TCL1A: variants seen among roughly 807,000 people sequenced by gnomAD.
TCL1A encodes T-cell leukemia/lymphoma protein 1A.
In TCL1A, 9 loss-of-function variants were observed where a neutral mutation model predicts 16.9. The ratio of observed to expected loss-of-function variants is 0.53; its 90% CI spans 0.32 to 0.93. TCL1A has a LOEUF of 0.93. TCL1A is among the 40% of genes least tolerant of loss of function. TCL1A has a pLI of 0.04. For missense variants in TCL1A, 139 were observed against 153.0 expected (o/e 0.91, Z 0.48); for synonymous variants, 69 against 63.2 (o/e 1.09, Z -0.44).
At chr14:95,713,507 A>G (rs1886439792) in intron 1 of TCL1A, among the ~76,000 whole-genome samples, 1 of 152,182 alleles carries the variant, frequency 6.6e-6, no homozygotes, top group African/African-American at 2.4e-5. Flanking sequence ...AGTGGAAAAT[A>G]CTTCACACTC....
rs547633625 is a variant in TCL1A, at chr14:95,712,704, G to A, written c.121-308C>T. On this transcript the variant is annotated intron_variant, in intron 1 of 3. Transcript: ENST00000402399. The stretch of plus-strand genomic sequence containing the variant: ...CACTTGTAATTCCAGTGCTTTGGAA[G>A]GCAGAGGCAGGAGGATCGCTTGAGG... 24 of 1,349,098 alleles carry A rather than the reference G, an allele frequency of 1.8e-5. 1 individual carries two copies. In the Middle Eastern group the frequency reaches 1.8e-3, roughly 100 times the overall value. 83.6% of individuals were successfully genotyped at this position (1,349,098 alleles called of 1,614,324 possible). A position where few individuals can be genotyped will look rare whatever the true frequency, so the allele number is the denominator to read the frequency against.
chr14:95,713,928 G>T lies in TCL1A; in HGVS notation c.120+19C>A. The T allele has an allele frequency of 6.2e-7, 1 of 1,612,222 alleles. No homozygotes were observed. On this transcript the variant is annotated intron_variant, in intron 1 of 3. Coordinates refer to ENST00000402399, the MANE Select transcript of TCL1A (RefSeq NM_021966.3). ...GGCTGCCCCTGCTGCCTCGCCATCCGCTCCAAAGCTGGCTGTACCTCGATG... is the reference window on the plus strand; with the variant it reads ...GGCTGCCCCTGCTGCCTCGCCATCCTCTCCAAAGCTGGCTGTACCTCGATG...
chr14:95,712,504 G>A, intron 1 of TCL1A, 108 bp from the exon 2 acceptor site: 1 of 1,509,202 alleles, frequency 6.6e-7, no homozygotes, highest in African/African-American at 1.4e-5. Context: ...CATCTGGGCA[G>A]GGGTCCGAGT....
In TCL1A at chr14:95,714,031, G is replaced by A. The variant is rs1413948025; in HGVS notation, c.36C>T (p.Thr12=). The part of the protein sequence containing the change: ...AECPTLGEAV[T]DHPDRLWAWE... ...AGGCCCACAGGCGGTCCGGGTGGTC[G>A]GTGACTGCCTCCCCGAGTGTCGGGC... The change falls in exon 1 of 4, where the codon ACC becomes ACT. Residue 12 remains threonine, a synonymous_variant. Transcript: ENST00000402399. 1.9e-6 allele frequency: 3 copies of A among 1,613,930 alleles called. No individual in the cohort carries two copies. Among genetic ancestry groups the A allele is most frequent in the East Asian group, 2.2e-5 (1 of 44,880 alleles).
At chr14:95,711,651 C>T (rs1469010120) in intron 3 of TCL1A, 98 bp downstream of exon 3, 5 of 1,390,174 alleles carry the variant, frequency 3.6e-6, no homozygotes, top group African/African-American at 2.8e-5. Flanking sequence ...TGGCAGCAGT[C>T]GGGGAGGGGT....
chr14:95,711,971 A>T (rs1180195447), intron 2 of TCL1A, 169 bp from the exon 3 acceptor site: 1 of 944,022 alleles, frequency 1.1e-6, no homozygotes, highest in African/African-American at 1.6e-5. Context: ...TCAGCCTGTG[A>T]CTGCCCACCA....
Position 95,714,124 on chromosome 14 carries a change from T to C in TCL1A, c.-58A>G, listed in dbSNP as rs1277846258. On this transcript the variant is annotated 5_prime_UTR_variant, in exon 1 of 4. Transcript: ENST00000402399. The stretch of plus-strand genomic sequence containing the variant: ...AGAGCCTCTCAAGGCCGCTCGCTGG[T>C]CCCTGGGATGTGGGGCCGACCCTTT... 3.1e-6 allele frequency: 5 copies of C among 1,597,438 alleles called. No individual in the cohort carries two copies. Among genetic ancestry groups the C allele is most frequent in the Middle Eastern group, 1.7e-4 (1 of 5,924 alleles).
Position 95,713,979 on chromosome 14 carries a change from TCTCGTCCAA to T in TCL1A, c.79_87del (p.Leu27_Glu29del), listed in dbSNP as rs1228816578. On this transcript the variant is annotated inframe_deletion, in exon 1 of 4. Coordinates refer to ENST00000402399, the MANE Select transcript of TCL1A (RefSeq NM_021966.3). ...GTTAAGGGCAGCCAGGCGTGCTGCT[TCTCGTCCAA>T]ATACACGAACTTCTCCCAGGCCCAC... The T allele has an allele frequency of 6.2e-7, 1 of 1,614,072 alleles. No individual in the cohort carries two copies. Among genetic ancestry groups the T allele is most frequent in the Admixed American group, 1.7e-5 (1 of 60,034 alleles).
chr14:95,711,240 A>G (rs1019595225), intron 3 of TCL1A, among the ~76,000 whole-genome samples: 1 of 150,514 alleles, frequency 6.6e-6, no homozygotes, highest in Non-Finnish European at 1.5e-5. Context: ...CGGGCAGATC[A>G]TGAGGTCAGG....
chr14:95,712,209 A>G lies in TCL1A; in HGVS notation c.297+11T>C. ...GATCACCCGATGGACCTCTGGGAGA[A>G]AGACACTCACCTTGATGTGGTACAC... is the stretch of plus-strand genomic sequence containing the variant. On this transcript the variant is annotated intron_variant, in intron 2 of 3. Transcript: ENST00000402399. The G allele has an allele frequency of 2.5e-6, 4 of 1,614,154 alleles. No homozygotes were observed. The highest frequency in any genetic ancestry group is 2.5e-6 in the Non-Finnish European group (3 of 1,180,014).
intron 3 of TCL1A, 92 bp downstream of exon 3, chr14:95,711,657 G>A (rs1886356402): frequency 2.8e-6 from 4 of 1,435,030 alleles, no homozygotes; most frequent in South Asian, 2.5e-5. Flanking sequence ...CAGTCGGGGA[G>A]GGGTTAGCAC....
Position 95,713,236 on chromosome 14 carries a change from A to G in TCL1A, c.120+711T>C, listed in dbSNP as rs187989772. On this transcript the variant is annotated intron_variant, in intron 1 of 3. Coordinates refer to ENST00000402399, the MANE Select transcript of TCL1A (RefSeq NM_021966.3). ...CAATAATTTTTGATTGCTACTGGAC[A>G]TACGTGTTCTAATATATTTTTTAAT... Among the ~76,000 whole-genome samples, 4 of 152,316 alleles carry G rather than the reference A, an allele frequency of 2.6e-5. No homozygotes were observed. In the East Asian group the frequency reaches 7.7e-4, roughly 29 times the overall value.
Position 95,714,069 on chromosome 14 carries a change from C to A in TCL1A, c.-3G>T, listed in dbSNP as rs1198584508. The stretch of plus-strand genomic sequence containing the variant: ...CCGAGTGTCGGGCACTCGGCCATGG[C>A]GTCCTCGGGCCGCCTAAGAAGCAAG... On this transcript the variant is annotated 5_prime_UTR_variant, in exon 1 of 4. Transcript: ENST00000402399. 1.2e-6 allele frequency: 2 copies of A among 1,613,352 alleles called. No homozygotes were observed. Among genetic ancestry groups the A allele is most frequent in the Non-Finnish European group, 1.7e-6 (2 of 1,179,966 alleles).
At chr14:95,712,194 T>C (rs1252621368) in intron 2 of TCL1A, 26 bp downstream of exon 2, 35 of 1,613,822 alleles carry the variant, frequency 2.2e-5, no homozygotes, top group Non-Finnish European at 2.8e-5. Flanking sequence ...GATCACCCGA[T>C]GGACCTCTGG....
At chr14:95,713,837 C>T (rs2139723920) in intron 1 of TCL1A, 110 bp downstream of exon 1, 2 of 1,500,372 alleles carry the variant, frequency 1.3e-6, no homozygotes, top group African/African-American at 1.4e-5. Context: ...CTGTGGGGAT[C>T]CTCCCTGCCC....
At chr14:95,711,470 A>G (rs1886352019) in intron 3 of TCL1A, 1 of 323,104 alleles carries the variant, frequency 3.1e-6, no homozygotes, top group African/African-American at 2.1e-5. Context: ...CTCATCTCAA[A>G]AAAAAAAAAA....
intron 1 of TCL1A, among the ~76,000 whole-genome samples, chr14:95,713,585 C>T (rs1886446117): frequency 2.0e-5 from 3 of 152,194 alleles, no homozygotes; most frequent in African/African-American, 7.2e-5. Flanking sequence ...ATACAGATTT[C>T]TGGGACCCAC....
At chr14:95,713,267 T>C (rs930603628) in intron 1 of TCL1A, among the ~76,000 whole-genome samples, 1 of 152,352 alleles carries the variant, frequency 6.6e-6, no homozygotes, top group Admixed American at 6.5e-5. Flanking sequence ...TTAATTTTTA[T>C]GCTTTCTTCA....
intron 1 of TCL1A, among the ~76,000 whole-genome samples, chr14:95,713,644 C>G (rs1017589495): frequency 1.3e-5 from 2 of 152,226 alleles, no homozygotes; most frequent in Admixed American, 6.5e-5. Flanking sequence ...CTTAGAGATA[C>G]CCATTTTTAA....
Sources: allele counts gnomAD v4.1 joint callset (sites outside exome capture counted in the v4.1 genomes callset), GRCh38; gene constraint gnomAD v4.1.1; transcripts MANE v1.5; gene names NCBI Gene and HGNC (gene_info 2026-07-23, HGNC 2026-07-21).